Variants in MAGI3 observed in about 807,000 individuals in gnomAD.
MAGI3 encodes the protein membrane associated guanylate kinase, WW and PDZ domain containing 3, also known as membrane-associated guanylate kinase, WW and PDZ domain-containing protein 3.
A neutral mutation model predicts 121.8 loss-of-function variants in MAGI3; 43 were observed. The observed-to-expected ratio is 0.35, with a 90% CI of 0.28 to 0.46. The LOEUF (loss-of-function observed/expected upper bound fraction) is 0.46. Among genes scored for constraint, MAGI3 ranks in the 20% least tolerant of loss-of-function variants. MAGI3 has a pLI of 1.00. For missense variants in MAGI3, 1,547 were observed against 1,797.3 expected, an observed-to-expected ratio of 0.86 and a Z score of 2.52; for synonymous variants, 553 against 639.3, an observed-to-expected ratio of 0.86 and a Z score of 2.04.
chr1:113,634,063 G>A (rs937137010), intron 9 of MAGI3, among the ~76,000 whole-genome samples: 27 of 151,920 alleles, frequency 1.8e-4, no homozygotes, highest in African/African-American at 3.1e-4. Context: ...CATGTCCTTC[G>A]CCCACTTTTT....
At position 113,471,158 on chromosome 1, in the gene MAGI3, T is replaced by G. The variant is rs1335853301; in HGVS notation, c.317-78357T>G. On this transcript the variant is annotated intron_variant, in intron 1 of 20. Transcript: ENST00000307546. ...CCAGATATATAAATAACATTCCAGC[T>G]GACAGCAGAAAATACATTCTTTTGA... Among the ~76,000 whole-genome samples the G allele has an allele frequency of 2.6e-5, 4 of 152,314 alleles. No individual in the cohort carries two copies. The South Asian group carries it at 6.2e-4, about 24-fold the overall frequency.
At chr1:113,622,394 A>G (rs1650883218) in intron 8 of MAGI3, among the ~76,000 whole-genome samples, 1 of 152,186 alleles carries the variant, frequency 6.6e-6, no homozygotes, top group Non-Finnish European at 1.5e-5. Flanking sequence ...AAGGGATAGA[A>G]ATATGAAGCT....
chr1:113,458,435 T>C (rs1654876213), intron 1 of MAGI3, among the ~76,000 whole-genome samples: 1 of 152,200 alleles, frequency 6.6e-6, no homozygotes, highest in Non-Finnish European at 1.5e-5. Context: ...TAACTCTCAG[T>C]ATCCCCCGGA....
At chr1:113,680,553 C>T (rs1466905272) in intron 19 of MAGI3, among the ~76,000 whole-genome samples, 2 of 151,832 alleles carry the variant, frequency 1.3e-5, no homozygotes, top group Non-Finnish European at 2.9e-5. Flanking sequence ...GTCAGGAGAT[C>T]GAGACCATCC....
chr1:113,608,110 T>C (rs1649903853), intron 6 of MAGI3, among the ~76,000 whole-genome samples: 1 of 152,146 alleles, frequency 6.6e-6, no homozygotes, highest in African/African-American at 2.4e-5. Flanking sequence ...ATGTCTCTCT[T>C]GTAGCAGTTA....
chr1:113,590,500 T>C lies in MAGI3; in HGVS notation c.780T>C (p.His260=). 1 of 1,613,704 alleles carries C rather than the reference T, an allele frequency of 6.2e-7. No homozygotes were observed. The highest frequency in any genetic ancestry group is 1.1e-5 in the South Asian group (1 of 91,056). Residue 260 remains histidine, a synonymous_variant, in exon 5 of 21, where the codon CAT becomes CAC. Transcript: ENST00000307546. ...CAATGGCAGAAAACAGAGAGAGGCATTCTGAGTCATCTGACTGGATGAAGA... is the reference window on the plus strand; with the variant it reads ...CAATGGCAGAAAACAGAGAGAGGCACTCTGAGTCATCTGACTGGATGAAGA... ...GSGNAENRER[H]SESSDWMKTV...
chr1:113,440,739 A>C (rs369675535), intron 1 of MAGI3, among the ~76,000 whole-genome samples: 2 of 152,160 alleles, frequency 1.3e-5, no homozygotes, highest in Admixed American at 1.3e-4. Context: ...GGTGATGATG[A>C]TGCTATGTGA....
intron 16 of MAGI3, among the ~76,000 whole-genome samples, chr1:113,667,727 C>T (rs773853479): frequency 4.6e-5 from 7 of 152,218 alleles, no homozygotes; most frequent in African/African-American, 9.7e-5. Flanking sequence ...AAGCCTTCCT[C>T]ACTAAGCTTA....
chr1:113,415,925 C>T (rs1002730133), intron 1 of MAGI3, among the ~76,000 whole-genome samples: 6 of 151,330 alleles, frequency 4.0e-5, no homozygotes, highest in Non-Finnish European at 5.9e-5. Flanking sequence ...CTAGTCAGAT[C>T]CTAAAGCTAG....
chr1:113,642,670 G>A (rs888283902), intron 10 of MAGI3, among the ~76,000 whole-genome samples, 154 bp downstream of exon 10: 3 of 152,174 alleles, frequency 2.0e-5, no homozygotes, highest in East Asian at 3.8e-4. Flanking sequence ...GTTTCCATAA[G>A]CAGTGTCTTT....
At chr1:113,492,856 T>G (rs1235273931) in intron 1 of MAGI3, among the ~76,000 whole-genome samples, 2 of 152,058 alleles carry the variant, frequency 1.3e-5, no homozygotes, top group African/African-American at 2.4e-5. Flanking sequence ...AAGATCTCTA[T>G]GAGGAGAACT....
chr1:113,395,633 C>T (rs1000099500), intron 1 of MAGI3, among the ~76,000 whole-genome samples: 50 of 151,718 alleles, frequency 3.3e-4, no homozygotes, highest in African/African-American at 1.1e-3. Context: ...TATGTATATA[C>T]GTGTGTGTAT....
At chr1:113,602,150 C>T (rs1034825072) in intron 6 of MAGI3, among the ~76,000 whole-genome samples, 5 of 151,906 alleles carry the variant, frequency 3.3e-5, no homozygotes, top group African/African-American at 9.7e-5. Flanking sequence ...TGCAGCACAC[C>T]AGCATGTCAC....
chr1:113,653,847 G>T lies in MAGI3; in HGVS notation c.2458G>T (p.Asp820Tyr). The change falls in exon 15 of 21, where the codon GAC becomes TAC. Residue 820 changes from aspartate to tyrosine, a missense_variant. Transcript: ENST00000307546. ...IFYGEKQPED[D>Y]SSQAFISTQN... ...TATTACAGAAAAACAACCCGAGGAC[G>T]ACAGCTCTCAGGCCTTCATTTCAAC... 1 of 1,601,894 alleles carries T rather than the reference G, an allele frequency of 6.2e-7. No individual in the cohort carries two copies. The highest frequency in any genetic ancestry group is 2.2e-5 in the East Asian group (1 of 44,534).
At chr1:113,623,069 A>T in intron 9 of MAGI3, 75 bp downstream of exon 9, 1 of 861,710 alleles carries the variant, frequency 1.2e-6, no homozygotes, top group Admixed American at 4.0e-5. Flanking sequence ...TTTTATATAC[A>T]TAAAGAGAGA....
chr1:113,432,539 A>T (rs1036991485), intron 1 of MAGI3, among the ~76,000 whole-genome samples: 3 of 149,640 alleles, frequency 2.0e-5, no homozygotes, highest in Non-Finnish European at 4.5e-5. Flanking sequence ...AATTTTTGTT[A>T]TTTTTTTTTT....
At chr1:113,632,956 G>C (rs988603930) in intron 9 of MAGI3, among the ~76,000 whole-genome samples, 2 of 151,100 alleles carry the variant, frequency 1.3e-5, no homozygotes, top group Non-Finnish European at 2.9e-5. Context: ...ACAATGTGCA[G>C]GTTAGTTACA....
chr1:113,598,223 C>CT (rs1649142766), intron 6 of MAGI3, among the ~76,000 whole-genome samples: 1 of 116,830 alleles, frequency 8.6e-6, no homozygotes, highest in Non-Finnish European at 2.2e-5. Flanking sequence ...CATCCCCCCA[C>CT]CCCCCCTCCA....
At chr1:113,659,011 G>C in intron 15 of MAGI3, 69 bp from the exon 16 acceptor site, 1 of 1,262,052 alleles carries the variant, frequency 7.9e-7, no homozygotes, top group Non-Finnish European at 1.1e-6. Context: ...TTTAAATGAC[G>C]TTGATTATAA....
Sources: allele counts gnomAD v4.1 joint callset (sites outside exome capture counted in the v4.1 genomes callset), GRCh38; gene constraint gnomAD v4.1.1; transcripts MANE v1.5; gene names NCBI Gene and HGNC (gene_info 2026-07-23, HGNC 2026-07-21).